The following LAMA4 variants were observed in gnomAD, a reference collection of about 807,000 sequenced individuals.
LAMA4 encodes the protein laminin subunit alpha-4.
LAMA4 carries 127 observed loss-of-function variants against 207.1 expected under a neutral mutation model. That is an observed-to-expected ratio of 0.61 (90% CI 0.53 to 0.71). The LOEUF (loss-of-function observed/expected upper bound fraction) is 0.71. Ranked by LOEUF, LAMA4 falls within the 30% of genes least tolerant of loss-of-function variation. LAMA4 has a pLI of 0.00. For synonymous variants in LAMA4, 761 were observed against 816.0 expected, an observed-to-expected ratio of 0.93 and a Z score of 1.15; for missense variants, 2,093 against 2,246.5, an observed-to-expected ratio of 0.93 and a Z score of 1.38.
chr6:112,172,771 T>C lies in LAMA4; in HGVS notation c.1391A>G (p.His464Arg). The C allele has an allele frequency of 6.2e-7, 1 of 1,614,098 alleles. No homozygotes were observed. The highest frequency in any genetic ancestry group is 1.1e-5 in the South Asian group (1 of 91,080). The change falls in exon 12 of 39, where the codon CAC becomes CGC. Residue 464 changes from histidine to arginine, a missense_variant. Physicochemically the swap from His to Arg is conservative, Grantham distance 29 (BLOSUM62 0). This residue lies in a region of LAMA4 where 1,704 missense variants were observed against 1,788.4 expected (regional missense o/e 0.95). Coordinates refer to ENST00000230538, the MANE Select transcript of LAMA4 (RefSeq NM_001105206.3). Reference protein sequence around the residue: ...LSQAESWQRLHNETRTLFPVV... With the variant: ...LSQAESWQRLRNETRTLFPVV... The stretch of plus-strand genomic sequence containing the variant: ...AGGAAACAGAGTGCGGGTCTCATTG[T>C]GCAGCCGCTGCCAGCTCTCAGCCTG...
chr6:112,251,605 C>T (rs540319997), intron 2 of LAMA4: 1 of 152,350 alleles, frequency 6.6e-6, no homozygotes, highest in African/African-American at 2.4e-5. Flanking sequence ...AATACAGTCT[C>T]CTGAGCCAAC....
chr6:112,154,814 T>C lies in LAMA4; in HGVS notation c.2056+37A>G, dbSNP rs200845942. On this transcript the variant is annotated intron_variant, in intron 16 of 38. Transcript: ENST00000230538. ...GTGTATGAAAGGAGGGAAGCAGCTA[T>C]AAATTAGAAAGGAGATAGGAAAGTG... is the stretch of plus-strand genomic sequence containing the variant. The C allele has an allele frequency of 5.1e-5, 65 of 1,270,364 alleles. No individual in the cohort carries two copies. The African/African-American group carries it at 8.9e-4, about 17-fold the overall frequency. 78.7% of individuals were successfully genotyped at this position (1,270,364 alleles called of 1,614,324 possible).
intron 4 of LAMA4, among the ~76,000 whole-genome samples, chr6:112,205,787 T>G (rs73542518): frequency 0.055 from 8,318 of 151,810 alleles, 718 homozygotes; most frequent in African/African-American, 0.19. Context: ...TTGGACGTTG[T>G]GAATTTCAAC....
At chr6:112,189,920 G>T (rs1554348015) in intron 6 of LAMA4, among the ~76,000 whole-genome samples, 2 of 152,088 alleles carry the variant, frequency 1.3e-5, no homozygotes, top group African/African-American at 4.8e-5. Context: ...CTGAGTTTCT[G>T]GGTGGGAACT....
At chr6:112,206,322 T>C (rs1784056073) in intron 4 of LAMA4, among the ~76,000 whole-genome samples, 1 of 152,198 alleles carries the variant, frequency 6.6e-6, no homozygotes, top group Admixed American at 6.5e-5. Flanking sequence ...ACTGAATTGA[T>C]TGTAGGACAC....
chr6:112,139,353 G>T (rs1322096890), intron 23 of LAMA4, 62 bp from the exon 24 acceptor site: 5 of 1,566,568 alleles, frequency 3.2e-6, no homozygotes, highest in Non-Finnish European at 4.4e-6. Flanking sequence ...TTCAAGTGAA[G>T]CCCTTTTAAC....
intron 31 of LAMA4, among the ~76,000 whole-genome samples, chr6:112,127,574 T>C (rs910551617): frequency 1.3e-5 from 2 of 152,120 alleles, no homozygotes; most frequent in Non-Finnish European, 1.5e-5. Flanking sequence ...ATGGATCACA[T>C]AGGGCCTCTT....
intron 5 of LAMA4, among the ~76,000 whole-genome samples, chr6:112,195,020 A>G (rs1024520895): frequency 3.9e-5 from 6 of 152,186 alleles, no homozygotes; most frequent in Admixed American, 3.9e-4. Flanking sequence ...GTTTAGAAAA[A>G]AAGATTATTT....
intron 12 of LAMA4, among the ~76,000 whole-genome samples, chr6:112,168,085 C>T (rs1781492832): frequency 6.6e-6 from 1 of 151,634 alleles, no homozygotes; most frequent in Admixed American, 6.6e-5. Context: ...GTAGTCCCAG[C>T]TACTCAGGAG....
chr6:112,226,413 C>A (rs781835713), intron 2 of LAMA4, among the ~76,000 whole-genome samples: 2 of 152,118 alleles, frequency 1.3e-5, no homozygotes, highest in Non-Finnish European at 2.9e-5. Context: ...CTTGCCTTTG[C>A]ATATACTATT....
intron 34 of LAMA4, 119 bp downstream of exon 34, chr6:112,119,037 G>A: frequency 9.6e-7 from 1 of 1,041,120 alleles, no homozygotes; most frequent in Non-Finnish European, 1.5e-6. Flanking sequence ...CCCATTTCCA[G>A]AAAACTACAG....
At chr6:112,168,032 A>G (rs1781488107) in intron 12 of LAMA4, among the ~76,000 whole-genome samples, 1 of 152,006 alleles carries the variant, frequency 6.6e-6, no homozygotes. Flanking sequence ...CCCCATCTCT[A>G]CTAAAAATAC....
At chr6:112,113,962 A>C (rs1472537993) in intron 38 of LAMA4, 114 bp downstream of exon 38, 15 of 1,217,244 alleles carry the variant, frequency 1.2e-5, no homozygotes, top group Non-Finnish European at 6.1e-6. Flanking sequence ...ACTGTATATA[A>C]AATCCTTTGA....
intron 12 of LAMA4, chr6:112,166,191 C>G (rs1334872299): frequency 6.6e-6 from 1 of 152,148 alleles, no homozygotes; most frequent in Non-Finnish European, 1.5e-5. Flanking sequence ...CTTTCTTACT[C>G]CCTGCAGTCT....
At position 112,118,745 on chromosome 6, in the gene LAMA4, G is replaced by GT. The variant is rs1217878455; in HGVS notation, c.4821+410dup. 6.7e-6 allele frequency among the ~76,000 whole-genome samples: 1 copy of GT among 150,208 alleles called. No individual in the cohort carries two copies. Among genetic ancestry groups the GT allele is most frequent in the Non-Finnish European group, 1.5e-5 (1 of 67,580 alleles). On this transcript the variant is annotated intron_variant, in intron 34 of 38. Transcript: ENST00000230538. The surrounding 1 kb of genome is among the most constrained non-coding windows in gnomAD (Gnocchi z 4.6). ...TATGTGTGTGTGTGTGTGTGTGTGTGTAAGAAAAATGGGATTGTAGTTTGC... is the reference window on the plus strand; with the variant it reads ...TATGTGTGTGTGTGTGTGTGTGTGTGTTAAGAAAAATGGGATTGTAGTTTGC...
chr6:112,252,420 T>A (rs951314070), intron 2 of LAMA4, among the ~76,000 whole-genome samples: 1 of 152,116 alleles, frequency 6.6e-6, no homozygotes, highest in Non-Finnish European at 1.5e-5. Context: ...ACTTTCCTAT[T>A]TTTTTTGTGG....
rs138232283 is a variant in LAMA4, at chr6:112,132,768, G to A, written c.3819C>T (p.Phe1273=). ...FRTLQPNGLL[F]YYASGSDVFS... ...AAACACTTACCCCTGAAGCATAATA[G>A]AATAGTAACCCATTTGGTTGTAATG... is the stretch of plus-strand genomic sequence containing the variant. Residue 1273 remains phenylalanine (F), a synonymous_variant, in exon 28 of 39, where the codon TTC becomes TTT. Transcript: ENST00000230538. 1.5e-4 allele frequency: 249 copies of A among 1,612,666 alleles called. No homozygotes were observed. Among genetic ancestry groups the A allele is most frequent in the Middle Eastern group, 1.3e-3 (8 of 6,072 alleles).
Position 112,117,891 on chromosome 6 carries a change from G to T in LAMA4, c.4829C>A (p.Ser1610Tyr). Reference protein sequence around the residue: ...GKAVKNVQINSIYSFSGCLSN... With the variant: ...GKAVKNVQINYIYSFSGCLSN... Reference sequence around the variant, plus strand: ...GAGACAGCCACTAAAACTGTAGATGGAGTTAATCTGAGGGAAGAAGATATT... The same window carrying T: ...GAGACAGCCACTAAAACTGTAGATGTAGTTAATCTGAGGGAAGAAGATATT... Residue 1610 changes from serine to tyrosine, a missense_variant, in exon 35 of 39, where the codon TCC (serine) becomes TAC (tyrosine). Transcript: ENST00000230538. The surrounding 1 kb of genome is among the most constrained non-coding windows in gnomAD (Gnocchi z 4.5). 6.2e-7 allele frequency: 1 copy of T among 1,613,086 alleles called. No homozygotes were observed. Among genetic ancestry groups the T allele is most frequent in the Non-Finnish European group, 8.5e-7 (1 of 1,179,270 alleles).
At chr6:112,165,563 C>T (rs1781338704) in intron 12 of LAMA4, among the ~76,000 whole-genome samples, 1 of 152,208 alleles carries the variant, frequency 6.6e-6, no homozygotes, top group Non-Finnish European at 1.5e-5. Context: ...GGGCATTTGT[C>T]TCTTTTTCCC....
Sources: allele counts gnomAD v4.1 joint callset (sites outside exome capture counted in the v4.1 genomes callset), GRCh38; gene constraint gnomAD v4.1.1; regional missense constraint gnomAD v4.1.1; non-coding constraint Gnocchi (gnomAD v3.1); transcripts MANE v1.5; gene names NCBI Gene and HGNC (gene_info 2026-07-23, HGNC 2026-07-21).